WDR7: variants seen among roughly 807,000 people sequenced by gnomAD.
The protein encoded by WDR7 is WD repeat-containing protein 7.
A neutral mutation model predicts 169.4 loss-of-function variants in WDR7; 46 were observed. That is an observed-to-expected ratio of 0.27 (90% confidence interval 0.21 to 0.35). The LOEUF (loss-of-function observed/expected upper bound fraction) is 0.35, where lower values mean the gene tolerates loss of function less well. Ranked by LOEUF, WDR7 falls within the 10% of genes least tolerant of loss-of-function variation. The pLI, the probability that WDR7 is intolerant of heterozygous loss-of-function variation, is 1.00. For missense variants in WDR7, 1,534 were observed against 1,859.3 expected, an observed-to-expected ratio of 0.83 and a Z score of 3.22; for synonymous variants, 612 against 666.8, an observed-to-expected ratio of 0.92 and a Z score of 1.27.
intron 9 of WDR7, 122 bp from the exon 10 acceptor site, chr18:56,694,496 TA>T: frequency 1.2e-6 from 1 of 867,218 alleles, no homozygotes; most frequent in Non-Finnish European, 1.7e-6. Flanking sequence ...AATCATGCTA[TA>T]AACACTTTTT....
intron 26 of WDR7, among the ~76,000 whole-genome samples, chr18:56,971,539 C>T (rs939995550): frequency 7.2e-5 from 11 of 152,018 alleles, no homozygotes; most frequent in African/African-American, 2.2e-4. Flanking sequence ...ATTGAAGTGC[C>T]GTGCACAACC....
At chr18:57,002,315 C>T (rs1324930353) in intron 26 of WDR7, among the ~76,000 whole-genome samples, 1 of 152,048 alleles carries the variant, frequency 6.6e-6, no homozygotes, top group African/African-American at 2.4e-5. Context: ...TATGAACATA[C>T]ATATAGTACA....
At chr18:56,692,508 T>TAA (rs2025597860) in intron 9 of WDR7, among the ~76,000 whole-genome samples, 1 of 151,162 alleles carries the variant, frequency 6.6e-6, no homozygotes, top group Admixed American at 6.6e-5. Context: ...ACGTCTCACG[T>TAA]TTATGTGGCC....
chr18:56,844,742 A>G (rs976662408), intron 20 of WDR7, among the ~76,000 whole-genome samples: 3 of 152,216 alleles, frequency 2.0e-5, no homozygotes, highest in Non-Finnish European at 4.4e-5. Flanking sequence ...ATGCACACAT[A>G]GGTTGGTAGA....
chr18:56,943,826 T>C (rs1169203804), intron 25 of WDR7, among the ~76,000 whole-genome samples: 1 of 152,076 alleles, frequency 6.6e-6, no homozygotes, highest in African/African-American at 2.4e-5. Flanking sequence ...TGACTTGTGG[T>C]AAACATAAAA....
intron 20 of WDR7, among the ~76,000 whole-genome samples, chr18:56,855,352 T>C (rs1445652344): frequency 1.3e-5 from 2 of 152,190 alleles, no homozygotes; most frequent in East Asian, 3.8e-4. Context: ...TTGTATCTTA[T>C]ATTTTCATTT....
In WDR7 at chr18:57,025,647, A is replaced by C. The variant is rs191118927; in HGVS notation, c.4270-1357A>C. Among the ~76,000 whole-genome samples, 593 of 152,304 alleles carry C rather than the reference A, an allele frequency of 3.9e-3. 2 individuals carry two copies. Among genetic ancestry groups the C allele is most frequent in the Non-Finnish European group, 6.9e-3 (468 of 68,036 alleles). On this transcript the variant is annotated intron_variant, in intron 27 of 27. Coordinates refer to ENST00000254442, the MANE Select transcript of WDR7 (RefSeq NM_015285.3). ...TTCAGCGCTATTATTAATGCAGGAAAATCAGTAACATTAGTCATCTTAAAA... is the reference window on the plus strand; with the variant it reads ...TTCAGCGCTATTATTAATGCAGGAACATCAGTAACATTAGTCATCTTAAAA...
intron 20 of WDR7, among the ~76,000 whole-genome samples, chr18:56,841,626 A>C (rs1460878398): frequency 6.6e-6 from 1 of 152,122 alleles, no homozygotes; most frequent in Non-Finnish European, 1.5e-5. Flanking sequence ...TAGAAAACGT[A>C]AATTTAAAAA....
intron 22 of WDR7, among the ~76,000 whole-genome samples, chr18:56,933,875 G>A (rs1209389371): frequency 6.6e-6 from 1 of 152,220 alleles, no homozygotes; most frequent in Admixed American, 6.5e-5. Context: ...CTTGGGCTCT[G>A]CACCCAGTTC....
intron 12 of WDR7, among the ~76,000 whole-genome samples, chr18:56,708,767 T>A (rs375152045): frequency 6.6e-6 from 1 of 152,130 alleles, no homozygotes; most frequent in African/African-American, 2.4e-5. Flanking sequence ...AAACCCCGTG[T>A]TTACTAAAAA....
intron 14 of WDR7, among the ~76,000 whole-genome samples, chr18:56,744,846 G>A (rs745585785): frequency 3.9e-5 from 6 of 152,198 alleles, no homozygotes; most frequent in Non-Finnish European, 5.9e-5. Context: ...GGGGAGATCT[G>A]GAACTCTAGA....
At position 56,679,322 on chromosome 18, in the gene WDR7, G is replaced by C. The variant is rs760837517; in HGVS notation, c.160-10G>C. 2 of 1,599,140 alleles carry C rather than the reference G, an allele frequency of 1.3e-6. No homozygotes were observed. Among genetic ancestry groups the C allele is most frequent in the East Asian group, 2.2e-5 (1 of 44,614 alleles). Reference sequence around the variant, plus strand: ...TTGGTACTTAAACTAGCATATTTTTGCATTTCTAGATTAATCCTCGAGCAC... The same window carrying C: ...TTGGTACTTAAACTAGCATATTTTTCCATTTCTAGATTAATCCTCGAGCAC... On this transcript the variant is annotated splice_polypyrimidine_tract_variant and intron_variant, in intron 2 of 27. Transcript: ENST00000254442.
At chr18:56,976,505 G>A (rs1657411) in intron 26 of WDR7, among the ~76,000 whole-genome samples, 1,639 of 152,264 alleles carry the variant, frequency 0.011, 32 homozygotes, top group African/African-American at 0.038. Flanking sequence ...ACACAACAAA[G>A]CATCCAGAGG....
rs183757202 is a variant in WDR7 at position 56,901,274 on chromosome 18, A to G, written c.3526+21109A>G. 6.2e-3 allele frequency among the ~76,000 whole-genome samples: 937 copies of G among 152,290 alleles called. 3 individuals are homozygous for G. Among genetic ancestry groups the G allele is most frequent in the Middle Eastern group, 0.037 (11 of 294 alleles). On this transcript the variant is annotated intron_variant, in intron 21 of 27. Transcript: ENST00000254442. ...ATAATGCTAATTATATTCTCTATAA[A>G]TAGTTATTATAATGTCATTGTCTTA...
At chr18:56,846,722 C>T (rs1180121011) in intron 20 of WDR7, among the ~76,000 whole-genome samples, 1 of 152,160 alleles carries the variant, frequency 6.6e-6, no homozygotes, top group Non-Finnish European at 1.5e-5. Context: ...TCTTCTCTCT[C>T]TTGCTCCCTC....
intron 26 of WDR7, among the ~76,000 whole-genome samples, chr18:56,968,074 G>A (rs1475377109): frequency 6.6e-6 from 1 of 151,822 alleles, no homozygotes. Context: ...GGTAGATGTA[G>A]GCATTTACTT....
intron 26 of WDR7, among the ~76,000 whole-genome samples, chr18:56,982,608 C>T (rs2047662767): frequency 6.6e-6 from 1 of 152,162 alleles, no homozygotes; most frequent in Non-Finnish European, 1.5e-5. Context: ...CTGTTTACTA[C>T]AGCCTTTGTC....
chr18:56,668,735 C>T (rs2025072023), intron 1 of WDR7, among the ~76,000 whole-genome samples: 1 of 152,004 alleles, frequency 6.6e-6, no homozygotes, highest in Admixed American at 6.5e-5. Flanking sequence ...CACAATTGCA[C>T]AATTTGAGTT....
In WDR7 at chr18:56,883,772, T is replaced by C. The variant is rs576283353; in HGVS notation, c.3526+3607T>C. Among the ~76,000 whole-genome samples the C allele has an allele frequency of 2.3e-3, 355 of 152,328 alleles. 1 individual carries two copies. Among genetic ancestry groups the C allele is most frequent in the African/African-American group, 8.0e-3 (333 of 41,578 alleles). On this transcript the variant is annotated intron_variant, in intron 21 of 27. Coordinates refer to ENST00000254442, the MANE Select transcript of WDR7 (RefSeq NM_015285.3). ...TGAGAACATACGATGTTTGGTTTTC[T>C]ATTCCTGAGTTACTTCACTTAGAAT...
Sources: allele counts gnomAD v4.1 joint callset (sites outside exome capture counted in the v4.1 genomes callset), GRCh38; gene constraint gnomAD v4.1.1; transcripts MANE v1.5; gene names NCBI Gene and HGNC (gene_info 2026-07-23, HGNC 2026-07-21).